ATMIN: variants seen among roughly 807,000 people sequenced by gnomAD.
ATMIN encodes ATM interactor.
ATMIN carries 24 observed loss-of-function variants against 49.2 expected under a neutral mutation model. The observed-to-expected ratio is 0.49, with a 90% confidence interval of 0.35 to 0.69. ATMIN has a LOEUF of 0.69. Among genes scored for constraint, ATMIN ranks in the 30% least tolerant of loss-of-function variants. The pLI is 0.00. For synonymous variants in ATMIN, 450 were observed against 392.5 expected, an observed-to-expected ratio of 1.15 and a Z score of -1.73; for missense variants, 1,037 against 1,005.5, an observed-to-expected ratio of 1.03 and a Z score of -0.42.
chr16:81,039,044 C>T (rs1970995280), intron 1 of ATMIN, among the ~76,000 whole-genome samples: 1 of 152,184 alleles, frequency 6.6e-6, no homozygotes, highest in African/African-American at 2.4e-5. Context: ...GATCCGCCCG[C>T]TTCAGCCTCC....
Position 81,043,738 on chromosome 16 carries a change from C to T in ATMIN, c.1240C>T (p.Gln414Ter). The change falls in exon 4 of 4, where the codon CAG becomes TAG. Residue 414 changes from glutamine to a stop codon, truncating the protein, a stop_gained. Transcript: ENST00000299575. LOFTEE classifies it high-confidence loss of function. ...GAATAGCATTTCTTCAATCAACGTG[C>T]AGACAGATCTGTCTTATGCCTCACA... ...QKNSISSINVQTDLSYASQNF... is the reference protein window; with the variant it reads ...QKNSISSINV 3 of 1,614,268 alleles carry T rather than the reference C, an allele frequency of 1.9e-6. No individual in the cohort carries two copies. Among genetic ancestry groups the T allele is most frequent in the Non-Finnish European group, 2.5e-6 (3 of 1,180,054 alleles).
Position 81,043,915 on chromosome 16 carries a change from G to C in ATMIN, c.1417G>C (p.Ala473Pro). 1 of 1,614,152 alleles carries C rather than the reference G, an allele frequency of 6.2e-7. No individual in the cohort carries two copies. Among genetic ancestry groups the C allele is most frequent in the Non-Finnish European group, 8.5e-7 (1 of 1,180,032 alleles). Residue 473 changes from alanine (A) to proline (P), a missense_variant, in exon 4 of 4, where the codon GCT becomes CCT. Coordinates refer to ENST00000299575, the MANE Select transcript of ATMIN (RefSeq NM_015251.3). ...CAGCTCTAAGGTAACTTCATCTATA[G>C]CTGCTCAGACTGATGCATTTATGGA... ...LPSSKVTSSI[A>P]AQTDAFMDTC...
chr16:81,043,932 A>G lies in ATMIN; in HGVS notation c.1434A>G (p.Ala478=), dbSNP rs1358341715. 2 of 1,614,190 alleles carry G rather than the reference A, an allele frequency of 1.2e-6. No homozygotes were observed. The highest frequency in any genetic ancestry group is 2.2e-5 in the South Asian group (2 of 91,084). Residue 478 remains alanine (A), a synonymous_variant, in exon 4 of 4, where the codon GCA becomes GCG. Transcript: ENST00000299575. ...VTSSIAAQTD[A]FMDTCFQSGG... Reference sequence around the variant, plus strand: ...CATCTATAGCTGCTCAGACTGATGCATTTATGGACACCTGTTTCCAGTCAG... The same window carrying G: ...CATCTATAGCTGCTCAGACTGATGCGTTTATGGACACCTGTTTCCAGTCAG...
At chr16:81,036,350 G>T in intron 1 of ATMIN, 144 bp downstream of exon 1, 1 of 823,678 alleles carries the variant, frequency 1.2e-6, no homozygotes, top group Non-Finnish European at 1.5e-6. Context: ...GCCCTCCCCG[G>T]CCGGAGGCGG....
intron 1 of ATMIN, 42 bp from the exon 2 acceptor site, chr16:81,041,314 G>A: frequency 6.3e-7 from 1 of 1,577,818 alleles, no homozygotes; most frequent in South Asian, 1.2e-5. Flanking sequence ...CTGTTGTGTT[G>A]TTTTTTTGAA....
At chr16:81,036,949 A>G (rs926877943) in intron 1 of ATMIN, among the ~76,000 whole-genome samples, 5 of 152,246 alleles carry the variant, frequency 3.3e-5, no homozygotes, top group African/African-American at 1.2e-4. Context: ...AGATCAGCTC[A>G]GGACTGAGAC....
chr16:81,036,674 G>C (rs954803200), intron 1 of ATMIN, among the ~76,000 whole-genome samples: 1 of 152,182 alleles, frequency 6.6e-6, no homozygotes, highest in Non-Finnish European at 1.5e-5. Flanking sequence ...GCCGCCCTTG[G>C]GTCCTGCCCA....
intron 2 of ATMIN, 188 bp downstream of exon 2, chr16:81,041,669 G>C: frequency 4.8e-6 from 3 of 625,082 alleles, no homozygotes; most frequent in Non-Finnish European, 8.1e-6. Context: ...CGGTCTGGAG[G>C]GAATATGTCT....
At chr16:81,041,304 C>G in intron 1 of ATMIN, 52 bp from the exon 2 acceptor site, 1 of 1,563,522 alleles carries the variant, frequency 6.4e-7, no homozygotes, top group Non-Finnish European at 8.6e-7. Context: ...CCACTCCAGC[C>G]TGTTGTGTTG....
intron 1 of ATMIN, among the ~76,000 whole-genome samples, chr16:81,040,047 A>C (rs1169078164): frequency 6.6e-6 from 1 of 152,016 alleles, no homozygotes; most frequent in Non-Finnish European, 1.5e-5. Flanking sequence ...CTACTCTTCA[A>C]CTGTGTCTTA....
intron 2 of ATMIN, chr16:81,041,697 C>CAG (rs528374745): frequency 4.9e-5 from 23 of 471,102 alleles, no homozygotes; most frequent in Middle Eastern, 6.0e-4. Flanking sequence ...AGTTAAAATA[C>CAG]AGAGAGAGAG....
chr16:81,044,920 T>G lies in ATMIN; in HGVS notation c.2422T>G (p.Ser808Ala). 1 of 1,614,044 alleles carries G rather than the reference T, an allele frequency of 6.2e-7. No homozygotes were observed. Among genetic ancestry groups the G allele is most frequent in the Non-Finnish European group, 8.5e-7 (1 of 1,179,922 alleles). Residue 808 changes from serine to alanine, a missense_variant, in exon 4 of 4, where the codon TCT (serine) becomes GCT (alanine). Transcript: ENST00000299575. ...GAACACGATGGAGTCTCAGTTCAGCTCTGTAGAAACCCAGACTTCTGCGGA... is the reference window on the plus strand; with the variant it reads ...GAACACGATGGAGTCTCAGTTCAGCGCTGTAGAAACCCAGACTTCTGCGGA... ...AWNTMESQFS[S>A]VETQTSAEPH...
chr16:81,035,918 G>A lies in ATMIN; in HGVS notation c.48G>A (p.Ala16=). 1.0e-6 allele frequency: 1 copy of A among 988,592 alleles called. No individual in the cohort carries two copies. The highest frequency in any genetic ancestry group is 1.2e-6 in the Non-Finnish European group (1 of 833,386). The allele number at this position is 988,592 out of a possible 1,614,324, so 61.2% of individuals were successfully genotyped here. A position where few individuals can be genotyped will look rare whatever the true frequency, so the allele number is the denominator to read the frequency against. ...CGGCGGCGGGGTCCGCGGCTCTGGC[G>A]GCGGGTGCCCGGGCCGTCCCGGCGG... ...AAAAAGSAAL[A]AGARAVPAAT... is the part of the protein sequence containing the mutation. Residue 16 remains alanine, a synonymous_variant, in exon 1 of 4, where the codon GCG becomes GCA. Coordinates refer to ENST00000299575, the MANE Select transcript of ATMIN (RefSeq NM_015251.3).
chr16:81,044,302 C>T lies in ATMIN; in HGVS notation c.1804C>T (p.Leu602=). The change falls in exon 4 of 4, where the codon CTG becomes TTG. Residue 602 remains leucine (L), a synonymous_variant. Transcript: ENST00000299575. ...TTTGGAAAACATCTTGTCAAGTAAT[C>T]TGCCTGCTCAGACATTGGATCATCG... ...SDLENILSSN[L]PAQTLDHRSL... is the part of the protein sequence containing the mutation. 5 of 1,614,110 alleles carry T rather than the reference C, an allele frequency of 3.1e-6. No individual in the cohort carries two copies. The highest frequency in any genetic ancestry group is 4.2e-6 in the Non-Finnish European group (5 of 1,179,954).
In ATMIN at chr16:81,041,260, T is replaced by G. The variant is rs958873043; in HGVS notation, c.337-96T>G. On this transcript the variant is annotated intron_variant, in intron 1 of 3. Coordinates refer to ENST00000299575, the MANE Select transcript of ATMIN (RefSeq NM_015251.3). ...GGAAAAACTCTTAATTAAAAGTATT[T>G]CACAAAATGTGCTCGTTTTCAGTCA... The G allele has an allele frequency of 4.5e-6, 6 of 1,348,122 alleles. No homozygotes were observed. In the South Asian group the frequency reaches 5.8e-5, roughly 13 times the overall value. The allele number at this position is 1,348,122 out of a possible 1,614,324, so 83.5% of individuals were successfully genotyped here.
Position 81,036,288 on chromosome 16 carries a change from C to CG in ATMIN, c.336+88dup, listed in dbSNP as rs576850771. The CG allele has an allele frequency of 1.4e-3, 1,609 of 1,116,668 alleles. 81 individuals are homozygous for CG. The East Asian group carries it at 0.05, about 34-fold the overall frequency. The allele number at this position is 1,116,668 out of a possible 1,614,324, so 69.2% of individuals were successfully genotyped here. ...CGGCGCCGGCGCGCGAAGCCGGCCT[C>CG]GGGGGGACGAGCGCCCTGCGCGCTG... is the stretch of plus-strand genomic sequence containing the variant. On this transcript the variant is annotated intron_variant, in intron 1 of 3. Coordinates refer to ENST00000299575, the MANE Select transcript of ATMIN (RefSeq NM_015251.3).
chr16:81,043,859 C>G lies in ATMIN; in HGVS notation c.1361C>G (p.Pro454Arg), dbSNP rs1296722522. The G allele has an allele frequency of 6.2e-7, 1 of 1,613,972 alleles. No individual in the cohort carries two copies. The highest frequency in any genetic ancestry group is 8.5e-7 in the Non-Finnish European group (1 of 1,179,984). ...DLSFDSQVSL[P>R]ISVHTQTFLP... is the part of the protein sequence containing the mutation. The stretch of plus-strand genomic sequence containing the variant: ...TCGTTTGATTCTCAAGTGTCTCTTC[C>G]CATTAGTGTTCACACTCAGACATTT... Residue 454 changes from proline to arginine, a missense_variant, in exon 4 of 4, where the codon CCC (proline) becomes CGC (arginine). By Grantham distance (103) the Pro-to-Arg change is moderately radical (BLOSUM62 -2). Coordinates refer to ENST00000299575, the MANE Select transcript of ATMIN (RefSeq NM_015251.3).
Position 81,044,099 on chromosome 16 carries a change from G to A in ATMIN, c.1601G>A (p.Ser534Asn). The A allele has an allele frequency of 1.2e-6, 2 of 1,614,162 alleles. No individual in the cohort carries two copies. The highest frequency in any genetic ancestry group is 1.1e-5 in the South Asian group (1 of 91,076). Residue 534 changes from serine to asparagine, a missense_variant, in exon 4 of 4, where the codon AGC (serine) becomes AAC (asparagine). Coordinates refer to ENST00000299575, the MANE Select transcript of ATMIN (RefSeq NM_015251.3). ...AATGTTGCTACAGGTAACATTATAA[G>A]CAACAGTTTAGTAGCAGAGACAGTA... ...SYNVATGNIISNSLVAETVTH... is the reference protein window; with the variant it reads ...SYNVATGNIINNSLVAETVTH...
chr16:81,041,524 A>T, intron 2 of ATMIN, 43 bp downstream of exon 2: 1 of 1,575,672 alleles, frequency 6.3e-7, no homozygotes, highest in Non-Finnish European at 8.6e-7. Context: ...CTAAAAACCT[A>T]TTGTGCATTC....
Sources: gnomAD v4.1 joint callset for allele counts (sites outside exome capture counted in the v4.1 genomes callset) on GRCh38, gnomAD v4.1.1 for gene constraint, MANE v1.5 for transcripts, NCBI Gene and HGNC (gene_info 2026-07-23, HGNC 2026-07-21) for gene names.